The following SLC35F5 variants were observed in gnomAD, a reference collection of about 807,000 sequenced individuals.
The protein encoded by SLC35F5 is solute carrier family 35 member F5.
In SLC35F5, 54 loss-of-function variants were observed where a neutral mutation model predicts 68.6. That is an observed-to-expected ratio of 0.79 (90% confidence interval 0.63 to 0.99). SLC35F5 has a LOEUF of 0.99. SLC35F5 is among the 50% of genes least tolerant of loss of function. SLC35F5 has a pLI of 0.00. For missense variants in SLC35F5, 567 were observed against 626.9 expected, an observed-to-expected ratio of 0.90 and a Z score of 1.02; for synonymous variants, 211 against 205.2, an observed-to-expected ratio of 1.03 and a Z score of -0.24.
downstream of SLC35F5, chr2:113,704,869 C>A (rs145661897): frequency 0.089 from 13,659 of 152,844 alleles, 652 homozygotes; most frequent in Non-Finnish European, 0.11. Flanking sequence ...CAGCGGCGGG[C>A]TGAAGGGCTC....
rs912020979 is a variant in SLC35F5 at position 113,743,964 on chromosome 2, C to T, written c.481-170G>A. 1.8e-5 allele frequency: 8 copies of T among 450,198 alleles called. No individual in the cohort carries two copies. The Admixed American group carries it at 2.0e-4, about 11-fold the overall frequency. 27.9% of individuals were successfully genotyped at this position (450,198 alleles called of 1,614,324 possible). ...AAAAAGGAAACTCAACAGATCCATA[C>T]AGCTACAATGACAGAAAAGAATCAG... On this transcript the variant is annotated intron_variant, in intron 5 of 15. Coordinates refer to ENST00000245680, the MANE Select transcript of SLC35F5 (RefSeq NM_025181.5).
Position 113,710,501 on chromosome 2 carries a change from G to A in SLC35F5, c.*4717C>T, listed in dbSNP as rs560794868. Among the ~76,000 whole-genome samples, 3 of 152,212 alleles carry A rather than the reference G, an allele frequency of 2.0e-5. No homozygotes were observed. Among genetic ancestry groups the A allele is most frequent in the African/African-American group, 2.4e-5 (1 of 41,524 alleles). ...TCCCAGCACTTTGGGAGGCCAGGGC[G>A]GGCAGATTACTTGAGCTCAGGAGTT... On this transcript the variant is annotated 3_prime_UTR_variant, in exon 16 of 16. Coordinates refer to ENST00000245680, the MANE Select transcript of SLC35F5 (RefSeq NM_025181.5).
chr2:113,749,142 C>T (rs1676635862), intron 4 of SLC35F5, among the ~76,000 whole-genome samples: 2 of 152,210 alleles, frequency 1.3e-5, no homozygotes, highest in South Asian at 4.1e-4. Flanking sequence ...CTGCCTGCCT[C>T]GGCCTCCCAG....
intron 4 of SLC35F5, among the ~76,000 whole-genome samples, 197 bp downstream of exon 4, chr2:113,750,228 C>T (rs1180290276): frequency 6.6e-6 from 1 of 152,146 alleles, no homozygotes; most frequent in Non-Finnish European, 1.5e-5. Context: ...AGAGTTCTCA[C>T]AAACTATTCT....
In SLC35F5 at chr2:113,755,141, C is replaced by A. The variant is rs759949267; in HGVS notation, c.273+24G>T. On this transcript the variant is annotated intron_variant, in intron 3 of 15. Coordinates refer to ENST00000245680, the MANE Select transcript of SLC35F5 (RefSeq NM_025181.5). Reference sequence around the variant, plus strand: ...TAACATTGTGGCTGTAATGTAACATCATTCCTGGACCAAAGGTACATACCG... The same window carrying A: ...TAACATTGTGGCTGTAATGTAACATAATTCCTGGACCAAAGGTACATACCG... 5.0e-6 allele frequency: 8 copies of A among 1,608,684 alleles called. No homozygotes were observed. The Admixed American group carries it at 1.3e-4, about 27-fold the overall frequency.
At position 113,756,620 on chromosome 2, in the gene SLC35F5, T is replaced by C. The variant is rs992550139; in HGVS notation, c.-211A>G. 6.0e-6 allele frequency: 8 copies of C among 1,333,182 alleles called. No individual in the cohort carries two copies. The highest frequency in any genetic ancestry group is 1.6e-5 in the South Asian group (1 of 63,300). 82.6% of individuals were successfully genotyped at this position (1,333,182 alleles called of 1,614,324 possible). A position where few individuals can be genotyped will look rare whatever the true frequency, so the allele number is the denominator to read the frequency against. On this transcript the variant is annotated 5_prime_UTR_variant, in exon 1 of 16. Transcript: ENST00000245680. Reference sequence around the variant, plus strand: ...GGGGAAGGGACGGCACAGTCAGCTATGGCCGCGGAGGCCCGGAGATCTGCT... The same window carrying C: ...GGGGAAGGGACGGCACAGTCAGCTACGGCCGCGGAGGCCCGGAGATCTGCT...
chr2:113,711,402 C>G lies in SLC35F5; in HGVS notation c.*3816G>C, dbSNP rs1686976250. On this transcript the variant is annotated 3_prime_UTR_variant, in exon 16 of 16. Coordinates refer to ENST00000245680, the MANE Select transcript of SLC35F5 (RefSeq NM_025181.5). ...TAGTAACATTAAAATATTAAAATAT[C>G]CCGTTTATTAAAGGCTCTTAAGATT... 6.6e-6 allele frequency among the ~76,000 whole-genome samples: 1 copy of G among 151,950 alleles called. No individual in the cohort carries two copies. The highest frequency in any genetic ancestry group is 1.5e-5 in the Non-Finnish European group (1 of 67,976).
chr2:113,742,946 AT>A, intron 6 of SLC35F5, 67 bp from the exon 7 acceptor site: 1 of 1,425,040 alleles, frequency 7.0e-7, no homozygotes, highest in South Asian at 1.2e-5. Flanking sequence ...ACAAGTTTTA[AT>A]TTACTGATAA....
At chr2:113,742,910 T>C (rs1231342193) in intron 6 of SLC35F5, 31 bp from the exon 7 acceptor site, 1 of 1,572,672 alleles carries the variant, frequency 6.4e-7, no homozygotes, top group Admixed American at 1.8e-5. Flanking sequence ...ATGAAATAAT[T>C]AAATAATTCC....
At chr2:113,718,898 A>G (rs1392115858) in intron 14 of SLC35F5, among the ~76,000 whole-genome samples, 1 of 64,022 alleles carries the variant, frequency 1.6e-5, no homozygotes, top group African/African-American at 3.8e-5. Flanking sequence ...AGAAAGAAAG[A>G]AAGAAAGAAA....
chr2:113,749,512 A>G (rs1019362858), intron 4 of SLC35F5, among the ~76,000 whole-genome samples: 10 of 152,324 alleles, frequency 6.6e-5, no homozygotes, highest in Non-Finnish European at 1.5e-5. Flanking sequence ...AAATAAATTA[A>G]TAATTTTAAA....
chr2:113,755,958 G>A (rs1324574593), intron 1 of SLC35F5: 8 of 1,549,678 alleles, frequency 5.2e-6, no homozygotes, highest in Non-Finnish European at 6.1e-6. Context: ...GGTTATCGGA[G>A]AGTAAGTGAT....
At chr2:113,755,390 C>T in intron 2 of SLC35F5, 64 bp downstream of exon 2, 2 of 1,605,788 alleles carry the variant, frequency 1.2e-6, no homozygotes, top group Non-Finnish European at 1.7e-6. Context: ...ATAACAGAAA[C>T]ATTTGACTTT....
chr2:113,750,638 A>G, intron 3 of SLC35F5, 70 bp from the exon 4 acceptor site: 24 of 1,319,292 alleles, frequency 1.8e-5, no homozygotes, highest in Non-Finnish European at 2.4e-5. Flanking sequence ...TCCAAAATAA[A>G]GTCACTACAT....
Position 113,756,485 on chromosome 2 carries a change from T to G in SLC35F5, c.-76A>C, listed in dbSNP as rs1676998997. 9 of 1,525,128 alleles carry G rather than the reference T, an allele frequency of 5.9e-6. No homozygotes were observed. In the Admixed American group the frequency reaches 1.8e-4, roughly 31 times the overall value. The allele number at this position is 1,525,128 out of a possible 1,614,324, so 94.5% of individuals were successfully genotyped here. On this transcript the variant is annotated 5_prime_UTR_variant, in exon 1 of 16. Coordinates refer to ENST00000245680, the MANE Select transcript of SLC35F5 (RefSeq NM_025181.5). ...GGACTCACAGAGCTGTCACCGCGCCTGACATCGCGCCGCACTGGAGGCCCA... is the reference window on the plus strand; with the variant it reads ...GGACTCACAGAGCTGTCACCGCGCCGGACATCGCGCCGCACTGGAGGCCCA...
intron 3 of SLC35F5, among the ~76,000 whole-genome samples, chr2:113,751,987 G>A (rs1346123083): frequency 6.6e-6 from 1 of 152,092 alleles, no homozygotes; most frequent in African/African-American, 2.4e-5. Context: ...CAAGGCGGGT[G>A]GATCACTTGA....
intron 3 of SLC35F5, among the ~76,000 whole-genome samples, chr2:113,752,546 C>T (rs1020027067): frequency 3.3e-5 from 5 of 151,912 alleles, no homozygotes; most frequent in African/African-American, 1.2e-4. Flanking sequence ...TACCACTTTA[C>T]AAGAAATAAG....
intron 7 of SLC35F5, among the ~76,000 whole-genome samples, chr2:113,741,307 C>T (rs1246167195): frequency 1.3e-5 from 2 of 152,056 alleles, no homozygotes; most frequent in East Asian, 1.9e-4. Flanking sequence ...TATTGTTTAA[C>T]GGATACTTTC....
At chr2:113,748,194 C>T (rs1315413563) in intron 4 of SLC35F5, among the ~76,000 whole-genome samples, 1 of 152,158 alleles carries the variant, frequency 6.6e-6, no homozygotes, top group African/African-American at 2.4e-5. Flanking sequence ...TTGAGACAGT[C>T]TCACTCTGTC....
Sources: gnomAD v4.1 joint callset for allele counts (sites outside exome capture counted in the v4.1 genomes callset) on GRCh38, gnomAD v4.1.1 for gene constraint, MANE v1.5 for transcripts, NCBI Gene and HGNC (gene_info 2026-07-23, HGNC 2026-07-21) for gene names.